The following NKAIN1 variants were observed in gnomAD, a reference collection of about 807,000 sequenced individuals.
The protein encoded by NKAIN1 is sodium/potassium transporting ATPase interacting 1.
A neutral mutation model predicts 31.6 loss-of-function variants in NKAIN1; 13 were observed. That is an observed-to-expected ratio of 0.41 (90% CI 0.27 to 0.65). The LOEUF (loss-of-function observed/expected upper bound fraction) is 0.65, where lower values mean the gene tolerates loss of function less well. Among genes scored for constraint, NKAIN1 ranks in the 30% least tolerant of loss-of-function variants. The probability of loss-of-function intolerance (pLI) is 0.30; values close to 1 mark genes in which losing one functional copy is unlikely to be tolerated. For synonymous variants in NKAIN1, 104 were observed against 109.0 expected (o/e 0.95, Z 0.28); for missense variants, 193 against 262.2 (o/e 0.74, Z 1.82).
intron 1 of NKAIN1, among the ~76,000 whole-genome samples, chr1:31,190,725 G>A (rs1280826366): frequency 6.6e-6 from 1 of 152,132 alleles, no homozygotes; most frequent in Non-Finnish European, 1.5e-5. Flanking sequence ...ATCAGCTGCT[G>A]GCCTTGGGGG....
intron 1 of NKAIN1, among the ~76,000 whole-genome samples, chr1:31,216,109 T>A (rs1343661184): frequency 6.6e-6 from 1 of 150,812 alleles, no homozygotes; most frequent in Non-Finnish European, 1.5e-5. Flanking sequence ...TCTCCCTCTA[T>A]CTCGCAGGCA....
intron 1 of NKAIN1, among the ~76,000 whole-genome samples, chr1:31,212,383 C>T (rs1251131504): frequency 1.3e-5 from 2 of 148,634 alleles, no homozygotes; most frequent in Non-Finnish European, 3.0e-5. Context: ...CTGTATTACT[C>T]TGGATTAGGT....
intron 1 of NKAIN1, among the ~76,000 whole-genome samples, chr1:31,197,806 C>A (rs915498689): frequency 3.9e-5 from 6 of 152,114 alleles, no homozygotes; most frequent in African/African-American, 1.2e-4. Context: ...CGTGGCCTCC[C>A]AAAGTGTTGG....
intron 1 of NKAIN1, among the ~76,000 whole-genome samples, chr1:31,225,325 C>CTTTT: frequency 1.9e-5 from 1 of 52,164 alleles, no homozygotes; most frequent in African/African-American, 7.2e-5. Flanking sequence ...CATGCCCGGC[C>CTTTT]TTTTTTTTTT....
chr1:31,206,309 G>T (rs1013776308), intron 1 of NKAIN1, among the ~76,000 whole-genome samples: 1 of 148,510 alleles, frequency 6.7e-6, no homozygotes, highest in Non-Finnish European at 1.5e-5. Flanking sequence ...TTTTAAAAAA[G>T]AAGCCAATAA....
rs1645669107 is a variant in NKAIN1 at position 31,233,263 on chromosome 1, C to T, written c.54+6231G>A. Among the ~76,000 whole-genome samples the T allele has an allele frequency of 6.6e-6, 1 of 152,130 alleles. No homozygotes were observed. The highest frequency in any genetic ancestry group is 2.4e-5 in the African/African-American group (1 of 41,410). Reference sequence around the variant, plus strand: ...CCGCACCCAGCCGTGCATCACAGCTCTTTTAAGTCCAGCACAGAGCTTGGG... The same window carrying T: ...CCGCACCCAGCCGTGCATCACAGCTTTTTTAAGTCCAGCACAGAGCTTGGG... On this transcript the variant is annotated intron_variant, in intron 1 of 6. Transcript: ENST00000373736. This position sits in a 1 kb window ranked among gnomAD's most constrained non-coding sequence, Gnocchi z 4.0.
intron 1 of NKAIN1, among the ~76,000 whole-genome samples, chr1:31,217,994 G>A (rs1645525991): frequency 6.8e-6 from 1 of 148,058 alleles, no homozygotes; most frequent in Admixed American, 6.8e-5. Context: ...ATTTGTATTG[G>A]CCATAATCAC....
At chr1:31,193,261 G>A (rs1178848962) in intron 1 of NKAIN1, among the ~76,000 whole-genome samples, 1 of 150,494 alleles carries the variant, frequency 6.6e-6, no homozygotes, top group African/African-American at 2.4e-5. Context: ...GTAGAGACGG[G>A]TTTTCACCAT....
chr1:31,187,899 G>T, intron 2 of NKAIN1, 151 bp downstream of exon 2: 2 of 781,034 alleles, frequency 2.6e-6, no homozygotes, highest in Non-Finnish European at 4.0e-6. Flanking sequence ...GAAGCATGGG[G>T]CTGTGCACAT....
chr1:31,219,424 C>T (rs766656970), intron 1 of NKAIN1, among the ~76,000 whole-genome samples: 8 of 152,362 alleles, frequency 5.3e-5, no homozygotes, highest in Middle Eastern at 3.4e-3. Flanking sequence ...AGCCCCGGCA[C>T]GCCCTGACAG....
At chr1:31,182,130 T>C (rs1645207193) in intron 5 of NKAIN1, among the ~76,000 whole-genome samples, 189 bp from the exon 6 acceptor site, 1 of 151,862 alleles carries the variant, frequency 6.6e-6, no homozygotes, top group Admixed American at 6.6e-5. Flanking sequence ...GGCTGGACCC[T>C]GAGGGATGGG....
At chr1:31,234,631 C>T (rs956054139) in intron 1 of NKAIN1, among the ~76,000 whole-genome samples, 3 of 152,100 alleles carry the variant, frequency 2.0e-5, no homozygotes, top group South Asian at 4.1e-4. Context: ...GGAGTGAATG[C>T]GTGTGTCCAA....
At chr1:31,217,261 C>A (rs565114735) in intron 1 of NKAIN1, among the ~76,000 whole-genome samples, 1 of 151,670 alleles carries the variant, frequency 6.6e-6, no homozygotes, top group East Asian at 2.0e-4. Flanking sequence ...AACTCCTGGA[C>A]TCAAGTGATT....
chr1:31,223,471 C>T (rs1266771074), intron 1 of NKAIN1, among the ~76,000 whole-genome samples: 2 of 151,856 alleles, frequency 1.3e-5, no homozygotes, highest in Non-Finnish European at 2.9e-5. Context: ...GACGGAGTCT[C>T]GCTCTGTCGC....
intron 1 of NKAIN1, among the ~76,000 whole-genome samples, chr1:31,188,969 T>C (rs866969607): frequency 6.7e-6 from 1 of 150,226 alleles, no homozygotes; most frequent in African/African-American, 2.4e-5. Flanking sequence ...GCCAAGATCA[T>C]GCCACTGCAC....
Position 31,188,098 on chromosome 1 carries a change from G to A in NKAIN1, c.144C>T (p.Ile48=). The A allele has an allele frequency of 6.4e-7, 1 of 1,553,618 alleles. No homozygotes were observed. Among genetic ancestry groups the A allele is most frequent in the African/African-American group, 1.4e-5 (1 of 73,258 alleles). The change falls in exon 2 of 7, where the codon ATC becomes ATT. Residue 48 remains isoleucine (I), a synonymous_variant. Transcript: ENST00000373736. ...LANFLHIMAV[I]LGIFGTVQYR... is the part of the protein sequence containing the mutation. ...ACTGCACGGTGCCAAAGATGCCCAG[G>A]ATGACTGCCATGATGTGCAGGAAGT...
intron 1 of NKAIN1, among the ~76,000 whole-genome samples, chr1:31,228,141 G>A (rs1424221968): frequency 1.3e-5 from 2 of 152,188 alleles, no homozygotes; most frequent in East Asian, 3.8e-4. Context: ...CGCCTATTAT[G>A]AGCAGTCTCG....
intron 5 of NKAIN1, 83 bp downstream of exon 5, chr1:31,182,447 G>T: frequency 3.3e-6 from 5 of 1,508,280 alleles, no homozygotes; most frequent in Non-Finnish European, 4.6e-6. Flanking sequence ...GCTCCCTCCC[G>T]CCGGGGCCAG....
intron 1 of NKAIN1, chr1:31,188,485 G>A: frequency 3.3e-6 from 1 of 302,032 alleles, no homozygotes; most frequent in Non-Finnish European, 6.2e-6. Flanking sequence ...GAAGATGGTG[G>A]GATCAGAATC....
Sources: allele counts gnomAD v4.1 joint callset (sites outside exome capture counted in the v4.1 genomes callset), GRCh38; gene constraint gnomAD v4.1.1; non-coding constraint Gnocchi (gnomAD v3.1); transcripts MANE v1.5; gene names NCBI Gene and HGNC (gene_info 2026-07-23, HGNC 2026-07-21).